The following CNOT4 variants were observed in gnomAD, a reference collection of about 807,000 sequenced individuals.
CNOT4 encodes the protein CCR4-NOT transcription complex subunit 4.
A neutral mutation model predicts 73.8 loss-of-function variants in CNOT4; 8 were observed. The observed-to-expected ratio is 0.11, with a 90% CI of 0.06 to 0.20. The LOEUF is 0.20. Among genes scored for constraint, CNOT4 ranks in the 10% least tolerant of loss-of-function variants. The pLI, the probability that CNOT4 is intolerant of heterozygous loss-of-function variation, is 1.00. For missense variants in CNOT4, 564 were observed against 883.4 expected (o/e 0.64, Z 4.58); for synonymous variants, 293 against 321.1 (o/e 0.91, Z 0.94).
chr7:135,417,176 G>T (rs919366551), intron 3 of CNOT4, among the ~76,000 whole-genome samples: 3 of 152,076 alleles, frequency 2.0e-5, no homozygotes, highest in Non-Finnish European at 2.9e-5. Context: ...GTACTTTAGA[G>T]CCTCAATATG....
chr7:135,450,702 C>T (rs1163021998), intron 1 of CNOT4, among the ~76,000 whole-genome samples: 3 of 152,092 alleles, frequency 2.0e-5, no homozygotes, highest in Non-Finnish European at 2.9e-5. Flanking sequence ...TAAAAATGTG[C>T]GTAAACTGAA....
chr7:135,429,192 T>C (rs1798679815), intron 2 of CNOT4, among the ~76,000 whole-genome samples: 1 of 152,214 alleles, frequency 6.6e-6, no homozygotes, highest in Non-Finnish European at 1.5e-5. Context: ...GTGGAACTTT[T>C]GCCCTTTTAA....
intron 1 of CNOT4, among the ~76,000 whole-genome samples, chr7:135,494,326 C>A (rs572464768): frequency 6.6e-6 from 1 of 151,746 alleles, no homozygotes; most frequent in South Asian, 2.1e-4. Context: ...AAAAATTAGC[C>A]GGGCATGGTA....
At position 135,364,151 on chromosome 7, in the gene CNOT4, G is replaced by T; in HGVS notation, c.1628-85C>A. ...ACATATGTTGTTCTTTAGTGGTTAA[G>T]CGGGAGAAGAATTATTCTTTCTTTA... is the stretch of plus-strand genomic sequence containing the variant. On this transcript the variant is annotated intron_variant, in intron 10 of 11. Coordinates refer to ENST00000541284, the MANE Select transcript of CNOT4 (RefSeq NM_001190850.2). This position sits in a 1 kb window ranked among gnomAD's most constrained non-coding sequence, Gnocchi z 4.3. 1 of 972,700 alleles carries T rather than the reference G, an allele frequency of 1.0e-6. No homozygotes were observed. Among genetic ancestry groups the T allele is most frequent in the Non-Finnish European group, 1.5e-6 (1 of 650,596 alleles). The allele number at this position is 972,700 out of a possible 1,614,324, so 60.3% of individuals were successfully genotyped here. A position where few individuals can be genotyped will look rare whatever the true frequency, so the allele number is the denominator to read the frequency against.
chr7:135,493,232 C>T (rs541383256), intron 1 of CNOT4, among the ~76,000 whole-genome samples: 1 of 152,190 alleles, frequency 6.6e-6, no homozygotes, highest in East Asian at 1.9e-4. Context: ...GGTCTCACTA[C>T]GTAGGCTAGG....
intron 1 of CNOT4, among the ~76,000 whole-genome samples, chr7:135,446,448 C>CA (rs535458495): frequency 6.6e-6 from 1 of 151,374 alleles, no homozygotes; most frequent in Admixed American, 6.6e-5. Flanking sequence ...ATAAAAAAGT[C>CA]AAAAAAAGAA....
At chr7:135,429,570 C>T (rs1798698105) in intron 2 of CNOT4, among the ~76,000 whole-genome samples, 1 of 152,166 alleles carries the variant, frequency 6.6e-6, no homozygotes, top group South Asian at 2.1e-4. Context: ...CCTCATCAAA[C>T]ATCCCGAGTC....
chr7:135,483,891 C>CA (rs1242029299), intron 1 of CNOT4, among the ~76,000 whole-genome samples: 3 of 152,218 alleles, frequency 2.0e-5, no homozygotes, highest in African/African-American at 7.2e-5. Context: ...AGAACATCTA[C>CA]AAAAAAACCT....
chr7:135,473,551 T>C (rs1181245110), intron 1 of CNOT4, among the ~76,000 whole-genome samples: 3 of 152,268 alleles, frequency 2.0e-5, no homozygotes, highest in Non-Finnish European at 4.4e-5. Flanking sequence ...GTTTGAGACC[T>C]GCCTGGGCAA....
intron 1 of CNOT4, among the ~76,000 whole-genome samples, chr7:135,447,248 T>C (rs1408044014): frequency 1.3e-5 from 2 of 152,224 alleles, no homozygotes; most frequent in Non-Finnish European, 2.9e-5. Context: ...AAAAACAGAC[T>C]AAAGAGTAGC....
Position 135,395,823 on chromosome 7 carries a change from G to T in CNOT4, c.940C>A (p.Pro314Thr). 6.2e-7 allele frequency: 1 copy of T among 1,612,090 alleles called. No individual in the cohort carries two copies. Among genetic ancestry groups the T allele is most frequent in the Non-Finnish European group, 8.5e-7 (1 of 1,178,182 alleles). The change falls in exon 9 of 12, where the codon CCC becomes ACC. Residue 314 changes from proline to threonine, a missense_variant. Physicochemically the swap from Pro to Thr is conservative, Grantham distance 38 (BLOSUM62 -1). Transcript: ENST00000541284. ...GCACTGTGATTGGATGAACTGATGGGGATGACTGGATTGGATTTTGACAAA... is the reference window on the plus strand; with the variant it reads ...GCACTGTGATTGGATGAACTGATGGTGATGACTGGATTGGATTTTGACAAA... ...PGLSKSNPVIPISSSNHSARS... is the reference protein window; with the variant it reads ...PGLSKSNPVITISSSNHSARS...
At chr7:135,461,828 T>C (rs1355496213) in intron 1 of CNOT4, among the ~76,000 whole-genome samples, 1 of 151,578 alleles carries the variant, frequency 6.6e-6, no homozygotes, top group Non-Finnish European at 1.5e-5. Flanking sequence ...CGAGATCCCG[T>C]CCCAAAAAAA....
intron 1 of CNOT4, among the ~76,000 whole-genome samples, chr7:135,445,548 T>G (rs1002348750): frequency 2.6e-5 from 4 of 152,192 alleles, no homozygotes; most frequent in Admixed American, 2.6e-4. Context: ...AAGTTTCCCC[T>G]TGTAGACGTA....
At chr7:135,444,900 T>C in intron 1 of CNOT4, 1 of 1,600,950 alleles carries the variant, frequency 6.2e-7, no homozygotes, top group Non-Finnish European at 8.5e-7. Flanking sequence ...TGTGGGCATC[T>C]GCAAAGCTGT....
At position 135,364,684 on chromosome 7, in the gene CNOT4, T is replaced by C. The variant is rs1794820293; in HGVS notation, c.1628-618A>G. ...CGAGGAGGCAGGAGCTGATACCTTC[T>C]AGATGGAATAATTTCCAACACAGTC... On this transcript the variant is annotated intron_variant, in intron 10 of 11. Coordinates refer to ENST00000541284, the MANE Select transcript of CNOT4 (RefSeq NM_001190850.2). The surrounding 1 kb of genome is among the most constrained non-coding windows in gnomAD (Gnocchi z 4.3). Among the ~76,000 whole-genome samples, 1 of 152,250 alleles carries C rather than the reference T, an allele frequency of 6.6e-6. No individual in the cohort carries two copies. The highest frequency in any genetic ancestry group is 6.5e-5 in the Admixed American group (1 of 15,292).
At chr7:135,430,527 C>T (rs1798750673) in intron 2 of CNOT4, among the ~76,000 whole-genome samples, 1 of 151,932 alleles carries the variant, frequency 6.6e-6, no homozygotes, top group Admixed American at 6.6e-5. Context: ...CACCTGTAGT[C>T]CCAGCTACTT....
Position 135,393,958 on chromosome 7 carries a change from C to G in CNOT4, c.1587G>C (p.Pro529=). Residue 529 remains proline, a synonymous_variant, in exon 10 of 12, where the codon CCG becomes CCC. Coordinates refer to ENST00000541284, the MANE Select transcript of CNOT4 (RefSeq NM_001190850.2). Reference sequence around the variant, plus strand: ...CTCCCAGACCTGTGTTGTGCTGTGGCGGGAGATTCAAGTCCAAGAAATTAC... The same window carrying G: ...CTCCCAGACCTGTGTTGTGCTGTGGGGGGAGATTCAAGTCCAAGAAATTAC... The part of the protein sequence containing the change: ...SNSNFLDLNL[P]PQHNTGLGGI... 14 of 1,612,138 alleles carry G rather than the reference C, an allele frequency of 8.7e-6. No individual in the cohort carries two copies. Among genetic ancestry groups the G allele is most frequent in the Non-Finnish European group, 1.2e-5 (14 of 1,178,426 alleles).
At chr7:135,401,411 A>G (rs1038673216) in intron 7 of CNOT4, among the ~76,000 whole-genome samples, 3 of 152,202 alleles carry the variant, frequency 2.0e-5, no homozygotes, top group Non-Finnish European at 2.9e-5. Flanking sequence ...GTTATCAGAT[A>G]TAAGAATTTG....
intron 1 of CNOT4, among the ~76,000 whole-genome samples, chr7:135,461,692 C>T (rs1210799316): frequency 6.6e-5 from 10 of 151,992 alleles, no homozygotes; most frequent in African/African-American, 1.2e-4. Context: ...ATTAGCCAGG[C>T]GTGGTGGTGC....
Sources: allele counts gnomAD v4.1 joint callset (sites outside exome capture counted in the v4.1 genomes callset), GRCh38; gene constraint gnomAD v4.1.1; non-coding constraint Gnocchi (gnomAD v3.1); transcripts MANE v1.5; gene names NCBI Gene and HGNC (gene_info 2026-07-23, HGNC 2026-07-21).